The following DACH2 variants were observed in gnomAD, a reference collection of about 807,000 sequenced individuals.
The protein encoded by DACH2 is dachshund family transcription factor 2, also known as dachshund homolog 2.
A neutral mutation model predicts 35.8 loss-of-function variants in DACH2; 17 were observed. The ratio of observed to expected loss-of-function variants is 0.48; its 90% CI spans 0.33 to 0.71. The LOEUF is 0.71. Among genes scored for constraint, DACH2 ranks in the 30% least tolerant of loss-of-function variants. DACH2 has a pLI of 0.02. For missense variants in DACH2, 469 were observed against 472.7 expected (o/e 0.99, Z 0.07); for synonymous variants, 195 against 177.3 (o/e 1.10, Z -0.79).
rs766241717 is a variant in DACH2, at chrX:86,431,921, C to A, written c.527+55059C>A. Among the ~76,000 whole-genome samples the A allele has an allele frequency of 5.4e-5, 6 of 111,294 alleles. No individual in the cohort carries two copies. In the East Asian group the frequency reaches 1.7e-3, roughly 31 times the overall value. The stretch of plus-strand genomic sequence containing the variant: ...TATATATTCTAGGATAATATTGGGG[C>A]AAGATAATTAGAATTAATGAAGAGC... On this transcript the variant is annotated intron_variant, in intron 2 of 11. Transcript: ENST00000373125.
chrX:86,714,087 T>C (rs1479207521), intron 5 of DACH2, among the ~76,000 whole-genome samples: 1 of 111,881 alleles, frequency 8.9e-6, no homozygotes, highest in African/African-American at 3.2e-5. Context: ...TCTTCTACAG[T>C]TCTGAAGCTT....
intron 2 of DACH2, among the ~76,000 whole-genome samples, chrX:86,399,397 G>C (rs1295443717): frequency 9.0e-6 from 1 of 111,669 alleles, no homozygotes; most frequent in East Asian, 2.8e-4. Flanking sequence ...GGTTAGTACT[G>C]TTATGTGTGA....
At chrX:86,228,869 T>C (rs1158308764) in intron 1 of DACH2, among the ~76,000 whole-genome samples, 1 of 111,742 alleles carries the variant, frequency 8.9e-6, no homozygotes, top group Non-Finnish European at 1.9e-5. Flanking sequence ...ATATTAGTCC[T>C]TTGTCAAATG....
chrX:86,342,234 C>T (rs2035424900), intron 1 of DACH2, among the ~76,000 whole-genome samples: 1 of 111,333 alleles, frequency 9.0e-6, no homozygotes, highest in Admixed American at 9.6e-5. Context: ...CATGATGGCT[C>T]ATGTCTGTAT....
intron 4 of DACH2, among the ~76,000 whole-genome samples, chrX:86,673,163 G>A (rs1352204980): frequency 9.1e-6 from 1 of 109,737 alleles, no homozygotes; most frequent in African/African-American, 3.3e-5. Flanking sequence ...GTGATACCCT[G>A]TCTCTACTAA....
chrX:86,411,025 T>TATATATATATATATATATATAA (rs1352415960), intron 2 of DACH2, among the ~76,000 whole-genome samples: 3 of 78,730 alleles, frequency 3.8e-5, no homozygotes, highest in Non-Finnish European at 4.8e-5. Context: ...TATGATTATA[T>TATATATATATATATATATATAA]ATATATATAT....
At chrX:86,288,369 C>A (rs902966803) in intron 1 of DACH2, among the ~76,000 whole-genome samples, 3 of 111,949 alleles carry the variant, frequency 2.7e-5, no homozygotes, top group African/African-American at 9.7e-5. Context: ...CACCCAAGGC[C>A]TGCTGTAACC....
intron 2 of DACH2, among the ~76,000 whole-genome samples, chrX:86,456,851 G>T (rs1027775578): frequency 7.2e-5 from 8 of 110,499 alleles, no homozygotes; most frequent in Non-Finnish European, 1.3e-4. Flanking sequence ...AAATTGATAG[G>T]ATACATAATT....
chrX:86,156,853 G>A (rs2030563098), intron 1 of DACH2, among the ~76,000 whole-genome samples: 1 of 111,193 alleles, frequency 9.0e-6, no homozygotes, highest in Non-Finnish European at 1.9e-5. Context: ...TCTGTGAATA[G>A]AATACAAATA....
chrX:86,698,538 T>TTTTTG (rs2041099884), intron 5 of DACH2, among the ~76,000 whole-genome samples: 1 of 67,622 alleles, frequency 1.5e-5, no homozygotes, highest in Non-Finnish European at 2.8e-5. Flanking sequence ...TTTTTTTTTT[T>TTTTTG]TTTTTTTTTT....
chrX:86,826,302 G>A (rs1412378241), intron 11 of DACH2, among the ~76,000 whole-genome samples: 1 of 111,367 alleles, frequency 9.0e-6, no homozygotes, highest in Non-Finnish European at 1.9e-5. Flanking sequence ...TTACAAGTAA[G>A]ATAGTTTGAT....
At chrX:86,364,582 G>A (rs1216410043) in intron 1 of DACH2, among the ~76,000 whole-genome samples, 1 of 111,391 alleles carries the variant, frequency 9.0e-6, no homozygotes, top group African/African-American at 3.3e-5. Flanking sequence ...CCTTAGAGAC[G>A]TGAGGAGAAG....
At chrX:86,193,628 G>A (rs1457831001) in intron 1 of DACH2, among the ~76,000 whole-genome samples, 1 of 111,457 alleles carries the variant, frequency 9.0e-6, no homozygotes, top group Non-Finnish European at 1.9e-5. Context: ...AGCTGTTTTA[G>A]TTAGATATAT....
intron 7 of DACH2, among the ~76,000 whole-genome samples, chrX:86,752,996 ATG>A (rs1253974429): frequency 5.4e-5 from 6 of 110,656 alleles, no homozygotes; most frequent in Admixed American, 1.9e-4. Flanking sequence ...CTCATATTTT[ATG>A]TCTTTTATTT....
Position 86,732,588 on chromosome X carries a change from C to T in DACH2, c.1105-7159C>T, listed in dbSNP as rs191038743. On this transcript the variant is annotated intron_variant, in intron 6 of 11. Coordinates refer to ENST00000373125, the MANE Select transcript of DACH2 (RefSeq NM_053281.3). ...ATGTGACCTTAGGCAAATTAATTAA[C>T]TTGCCTGTGTCTCAGATTGCCTCAT... 9.5e-4 allele frequency among the ~76,000 whole-genome samples: 106 copies of T among 111,823 alleles called. 1 individual carries two copies. The highest frequency in any genetic ancestry group is 3.3e-3 in the African/African-American group (103 of 30,884).
At chrX:86,604,399 A>C (rs1262241352) in intron 3 of DACH2, among the ~76,000 whole-genome samples, 1 of 111,877 alleles carries the variant, frequency 8.9e-6, no homozygotes, top group Non-Finnish European at 1.9e-5. Context: ...TCTTACAAGA[A>C]TATATTTTTA....
At chrX:86,757,114 G>A (rs1407491474) in intron 7 of DACH2, among the ~76,000 whole-genome samples, 1 of 111,230 alleles carries the variant, frequency 9.0e-6, no homozygotes, top group African/African-American at 3.3e-5. Flanking sequence ...GATTCTGTTT[G>A]CTAGTATTTT....
intron 3 of DACH2, among the ~76,000 whole-genome samples, chrX:86,520,957 T>C (rs1204770964): frequency 9.0e-6 from 1 of 111,689 alleles, no homozygotes; most frequent in African/African-American, 3.3e-5. Flanking sequence ...ATTAGCTTGC[T>C]ATTATGTTGG....
At chrX:86,696,811 C>A (rs1395073344) in intron 5 of DACH2, among the ~76,000 whole-genome samples, 1 of 111,263 alleles carries the variant, frequency 9.0e-6, no homozygotes, top group Non-Finnish European at 1.9e-5. Context: ...TTTCTAGGAG[C>A]CATACCAGAT....
Sources: gnomAD v4.1 joint callset for allele counts (sites outside exome capture counted in the v4.1 genomes callset) on GRCh38, gnomAD v4.1.1 for gene constraint, MANE v1.5 for transcripts, NCBI Gene and HGNC (gene_info 2026-07-23, HGNC 2026-07-21) for gene names.